The following CELF2 variants were observed in gnomAD, a reference collection of about 807,000 sequenced individuals.
The protein encoded by CELF2 is CUGBP Elav-like family member 2.
CELF2 carries 8 observed loss-of-function variants against 62.6 expected under a neutral mutation model. The ratio of observed to expected loss-of-function variants is 0.13; its 90% CI spans 0.07 to 0.23. CELF2 has a LOEUF of 0.23. Among genes scored for constraint, CELF2 ranks in the 10% least tolerant of loss-of-function variants. The pLI is 1.00. For synonymous variants in CELF2, 258 were observed against 250.0 expected, an observed-to-expected ratio of 1.03 and a Z score of -0.30; for missense variants, 333 against 671.0, an observed-to-expected ratio of 0.50 and a Z score of 5.56.
chr10:10,516,014 C>T, the CELF2 span, among the ~76,000 whole-genome samples: 1 of 152,140 alleles, frequency 6.6e-6, no homozygotes, highest in South Asian at 2.1e-4. Context: ...GAGACTATGT[C>T]AGTGTACTAC....
the CELF2 span, among the ~76,000 whole-genome samples, chr10:10,654,769 A>G: frequency 6.8e-6 from 1 of 146,290 alleles, no homozygotes; most frequent in Non-Finnish European, 1.5e-5. Flanking sequence ...ATCATACTGA[A>G]TGGGCAAAAA....
chr10:10,962,543 C>G (rs1240372753), intron 2 of CELF2, among the ~76,000 whole-genome samples: 1 of 152,026 alleles, frequency 6.6e-6, no homozygotes, highest in Non-Finnish European at 1.5e-5. Context: ...AGCAGCAGAG[C>G]AAGACCCCAT....
chr10:11,275,793 A>G (rs1038346227), intron 8 of CELF2, among the ~76,000 whole-genome samples: 7 of 152,180 alleles, frequency 4.6e-5, no homozygotes, highest in Non-Finnish European at 7.3e-5. Flanking sequence ...TGATTAGCGA[A>G]AGGTCACTCC....
At chr10:10,792,024 GAGGAAGGAAGGAGGGAGAGAGGGAGGA>G in the CELF2 span, among the ~76,000 whole-genome samples, 3 of 147,030 alleles carry the variant, frequency 2.0e-5, no homozygotes, top group South Asian at 4.3e-4. Context: ...GGGAGACAGG[GAGGAAGGAAGGAGGGAGAGAGGGAGGA>G]AGGAAGGAAG....
chr10:11,143,431 T>G (rs1246267478), intron 1 of CELF2, among the ~76,000 whole-genome samples: 1 of 152,236 alleles, frequency 6.6e-6, no homozygotes, highest in Non-Finnish European at 1.5e-5. Context: ...GCCATATGTG[T>G]GCTTCCTCTC....
intron 1 of CELF2, among the ~76,000 whole-genome samples, chr10:10,909,135 G>C (rs1275458272): frequency 6.6e-6 from 1 of 152,174 alleles, no homozygotes; most frequent in African/African-American, 2.4e-5. Context: ...TAACTGAGGG[G>C]AGCCCCATGT....
At chr10:10,893,358 T>C (rs1255010696) in intron 1 of CELF2, among the ~76,000 whole-genome samples, 1 of 152,164 alleles carries the variant, frequency 6.6e-6, no homozygotes, top group Admixed American at 6.5e-5. Flanking sequence ...AACAGTTCCT[T>C]TGCCATCCAA....
chr10:11,149,300 C>T (rs749983588), intron 1 of CELF2, among the ~76,000 whole-genome samples: 2 of 152,136 alleles, frequency 1.3e-5, no homozygotes, highest in Non-Finnish European at 2.9e-5. Flanking sequence ...TGAATTCTGA[C>T]CTCAGATGAT....
Position 11,247,738 on chromosome 10 carries a change from T to C in CELF2, c.355-1415T>C, listed in dbSNP as rs2076044855. Among the ~76,000 whole-genome samples the C allele has an allele frequency of 6.6e-6, 1 of 152,192 alleles. No individual in the cohort carries two copies. Among genetic ancestry groups the C allele is most frequent in the Admixed American group, 6.5e-5 (1 of 15,286 alleles). On this transcript the variant is annotated intron_variant, in intron 3 of 12. Transcript: ENST00000633077. This position sits in a 1 kb window ranked among gnomAD's most constrained non-coding sequence, Gnocchi z 5.4. ...CATACCTGCTGGACAACCAGACAGA[T>C]GCATGCTGGGAGGATCGCTTGCTCA...
At chr10:10,463,627 C>T in the CELF2 span, among the ~76,000 whole-genome samples, 2 of 152,102 alleles carry the variant, frequency 1.3e-5, no homozygotes, top group South Asian at 4.2e-4. Context: ...AAAATATATC[C>T]ATGTGTCAAA....
At chr10:10,808,641 A>G (rs1040227760) in intron 1 of CELF2, among the ~76,000 whole-genome samples, 17 of 152,236 alleles carry the variant, frequency 1.1e-4, no homozygotes, top group African/African-American at 3.9e-4. Context: ...AAGTAAATAC[A>G]GGAGGTAAGA....
the CELF2 span, among the ~76,000 whole-genome samples, chr10:10,468,602 C>T: frequency 3.3e-5 from 5 of 151,890 alleles, no homozygotes; most frequent in Non-Finnish European, 5.9e-5. Flanking sequence ...GTGAACCATT[C>T]GAGATGTCTA....
the CELF2 span, among the ~76,000 whole-genome samples, chr10:10,597,206 C>G: frequency 6.6e-6 from 1 of 152,178 alleles, no homozygotes; most frequent in East Asian, 1.9e-4. Context: ...TGGAAGGAGA[C>G]AGATGACTCA....
At chr10:11,116,256 G>T (rs2056534096) in intron 1 of CELF2, among the ~76,000 whole-genome samples, 1 of 152,208 alleles carries the variant, frequency 6.6e-6, no homozygotes. Context: ...AGACTTAACT[G>T]CAGTGGAGCC....
chr10:11,149,795 A>G (rs1206885883), intron 1 of CELF2, among the ~76,000 whole-genome samples: 1 of 152,180 alleles, frequency 6.6e-6, no homozygotes, highest in Non-Finnish European at 1.5e-5. Flanking sequence ...TGTGTGTGTC[A>G]TTATAAGCCC....
At chr10:10,840,352 C>T (rs377017857) in intron 1 of CELF2, among the ~76,000 whole-genome samples, 20 of 152,108 alleles carry the variant, frequency 1.3e-4, no homozygotes, top group East Asian at 3.8e-4. Context: ...TTTGTTGCTC[C>T]GCATCCTCAC....
rs181508184 is a variant in CELF2, at chr10:11,106,377, C to T, written c.75-59109C>T. Among the ~76,000 whole-genome samples the T allele has an allele frequency of 9.0e-4, 137 of 152,278 alleles. 2 individuals are homozygous for T. Among genetic ancestry groups the T allele is most frequent in the Non-Finnish European group, 1.5e-3 (102 of 68,022 alleles). On this transcript the variant is annotated intron_variant, in intron 1 of 12. Transcript: ENST00000633077. ...TCAGCCTCCCAAGTAGCTGGGATTACAGGCATGCACCACCGTGCCCGGCTA... is the reference window on the plus strand; with the variant it reads ...TCAGCCTCCCAAGTAGCTGGGATTATAGGCATGCACCACCGTGCCCGGCTA...
chr10:11,196,946 G>T (rs377367150), intron 2 of CELF2, among the ~76,000 whole-genome samples: 2 of 148,692 alleles, frequency 1.3e-5, no homozygotes, highest in African/African-American at 2.5e-5. Context: ...GCGACAGAGC[G>T]AGACTCTGTC....
chr10:10,845,475 ACT>A (rs900610801), intron 1 of CELF2, among the ~76,000 whole-genome samples: 9 of 145,790 alleles, frequency 6.2e-5, no homozygotes, highest in Non-Finnish European at 1.2e-4. Context: ...ACACACACAC[ACT>A]CTGTCCAAGG....
Sources: gnomAD v4.1 joint callset for allele counts (sites outside exome capture counted in the v4.1 genomes callset) on GRCh38, gnomAD v4.1.1 for gene constraint, Gnocchi (gnomAD v3.1) non-coding constraint, MANE v1.5 for transcripts, NCBI Gene and HGNC (gene_info 2026-07-23, HGNC 2026-07-21) for gene names.